LHPP: variants seen among roughly 807,000 people sequenced by gnomAD.
LHPP encodes phospholysine phosphohistidine inorganic pyrophosphate phosphatase, also known as hLHPP.
LHPP carries 24 observed loss-of-function variants against 30.3 expected under a neutral mutation model. That is an observed-to-expected ratio of 0.79 (90% confidence interval 0.57 to 1.11). The LOEUF (loss-of-function observed/expected upper bound fraction) is 1.11. LHPP is among the 50% of genes most tolerant of loss of function. The pLI, the probability that LHPP is intolerant of heterozygous loss-of-function variation, is 0.00. For missense variants in LHPP, 356 were observed against 367.2 expected, an observed-to-expected ratio of 0.97 and a Z score of 0.25; for synonymous variants, 150 against 157.1, an observed-to-expected ratio of 0.95 and a Z score of 0.34.
intron 5 of LHPP, among the ~76,000 whole-genome samples, chr10:124,515,221 C>T (rs1006040535): frequency 1.2e-4 from 19 of 152,228 alleles, no homozygotes; most frequent in African/African-American, 4.1e-4. Flanking sequence ...TCATTTTGGG[C>T]AGTTTCTATT....
intron 3 of LHPP, among the ~76,000 whole-genome samples, chr10:124,492,830 A>C (rs34178028): frequency 0.11 from 16,211 of 152,204 alleles, 1,004 homozygotes; most frequent in Non-Finnish European, 0.13. Flanking sequence ...CCAACACCTC[A>C]CTAGAGAACA....
At chr10:124,462,663 G>A (rs761929942) in intron 1 of LHPP, among the ~76,000 whole-genome samples, 8 of 152,212 alleles carry the variant, frequency 5.3e-5, no homozygotes, top group Non-Finnish European at 8.8e-5. Flanking sequence ...AATGGGTTAT[G>A]TTGTTTGCCT....
At chr10:124,564,270 C>T (rs540602532) in intron 6 of LHPP, among the ~76,000 whole-genome samples, 5 of 150,538 alleles carry the variant, frequency 3.3e-5, no homozygotes, top group Admixed American at 1.3e-4. Context: ...ACTACAGGCA[C>T]GCAGCACCAC....
chr10:124,481,328 G>T (rs1379986612), intron 1 of LHPP, among the ~76,000 whole-genome samples: 2 of 150,958 alleles, frequency 1.3e-5, no homozygotes, highest in African/African-American at 4.9e-5. Flanking sequence ...CTGTATTTGG[G>T]GCCCTCTCTC....
intron 6 of LHPP, among the ~76,000 whole-genome samples, chr10:124,571,133 G>A (rs997587060): frequency 1.3e-5 from 2 of 152,226 alleles, no homozygotes; most frequent in East Asian, 3.8e-4. Flanking sequence ...GGCCTCCCCA[G>A]TCACGTGGAA....
intron 6 of LHPP, among the ~76,000 whole-genome samples, chr10:124,606,762 C>T (rs187157362): frequency 2.0e-5 from 3 of 152,272 alleles, no homozygotes; most frequent in East Asian, 1.9e-4. Flanking sequence ...GTGACCCCCA[C>T]GGGGAGCCGT....
intron 6 of LHPP, among the ~76,000 whole-genome samples, chr10:124,597,131 C>G (rs950253572): frequency 6.6e-6 from 1 of 152,158 alleles, no homozygotes; most frequent in Non-Finnish European, 1.5e-5. Context: ...CTGGAGCTCT[C>G]GGGAGGTGTC....
chr10:124,591,783 T>C (rs1948884738), intron 6 of LHPP, among the ~76,000 whole-genome samples: 1 of 151,960 alleles, frequency 6.6e-6, no homozygotes, highest in South Asian at 2.1e-4. Context: ...TAGGAGTAAT[T>C]GTTCTAAGCT....
At chr10:124,568,706 T>A (rs1232537274) in intron 6 of LHPP, among the ~76,000 whole-genome samples, 1 of 152,208 alleles carries the variant, frequency 6.6e-6, no homozygotes, top group Non-Finnish European at 1.5e-5. Flanking sequence ...TCTAATGCTC[T>A]TCATCCTAGA....
chr10:124,506,272 C>G (rs889415303), intron 5 of LHPP, among the ~76,000 whole-genome samples: 9 of 128,620 alleles, frequency 7.0e-5, no homozygotes, highest in African/African-American at 5.8e-5. Context: ...AACCCCCCCC[C>G]CACCCCGCGG....
At chr10:124,522,420 G>A (rs1954632705) in intron 6 of LHPP, among the ~76,000 whole-genome samples, 1 of 152,308 alleles carries the variant, frequency 6.6e-6, no homozygotes, top group East Asian at 1.9e-4. Context: ...CCTGTGCCAT[G>A]GGTGGCAAAT....
intron 6 of LHPP, among the ~76,000 whole-genome samples, chr10:124,548,358 G>C (rs191941404): frequency 3.9e-5 from 6 of 152,180 alleles, no homozygotes; most frequent in African/African-American, 1.2e-4. Flanking sequence ...GGAACCCCCT[G>C]CCCAGAGCTC....
At chr10:124,568,677 C>G (rs1564835205) in intron 6 of LHPP, among the ~76,000 whole-genome samples, 1 of 152,196 alleles carries the variant, frequency 6.6e-6, no homozygotes, top group Non-Finnish European at 1.5e-5. Flanking sequence ...TGGGCGTGTG[C>G]TGGCACTGGG....
chr10:124,465,379 A>G (rs1952526547), intron 1 of LHPP, among the ~76,000 whole-genome samples: 1 of 152,218 alleles, frequency 6.6e-6, no homozygotes, highest in Non-Finnish European at 1.5e-5. Context: ...CTAGATAGGC[A>G]TATCATGTGG....
rs1300630303 is a variant in LHPP, at chr10:124,498,111, G to A, written c.607G>A (p.Gly203Arg). The stretch of plus-strand genomic sequence containing the variant: ...TTTCAAGTCTGCCCTGCAAGCGATA[G>A]GAGTGGAAGCCCACCAGGTAGGTTG... ...EFFKSALQAI[G>R]VEAHQAVMIG... is the part of the protein sequence containing the mutation. The change falls in exon 5 of 7, where the codon GGA (glycine) becomes AGA (arginine). Residue 203 changes from glycine (G) to arginine (R), a missense_variant. Physicochemically the swap from Gly to Arg is moderately radical, Grantham distance 125. Coordinates refer to ENST00000368842, the MANE Select transcript of LHPP (RefSeq NM_022126.4). The A allele has an allele frequency of 1.2e-6, 2 of 1,613,566 alleles. No homozygotes were observed. The highest frequency in any genetic ancestry group is 1.3e-5 in the African/African-American group (1 of 74,924).
At chr10:124,565,314 G>A (rs1244199889) in intron 6 of LHPP, among the ~76,000 whole-genome samples, 4 of 152,166 alleles carry the variant, frequency 2.6e-5, no homozygotes, top group Admixed American at 6.5e-5. Flanking sequence ...TCTTGCAGAA[G>A]GAAGAGCTGG....
intron 6 of LHPP, among the ~76,000 whole-genome samples, chr10:124,582,843 C>CA (rs973285101): frequency 3.1e-4 from 37 of 120,384 alleles, no homozygotes; most frequent in Middle Eastern, 4.2e-3. Flanking sequence ...TGTCTCTATT[C>CA]AAAAAAAAAA....
chr10:124,501,411 G>A (rs1027571793), intron 5 of LHPP, among the ~76,000 whole-genome samples: 14 of 151,724 alleles, frequency 9.2e-5, no homozygotes, highest in Admixed American at 5.9e-4. Flanking sequence ...AGATCAGCCT[G>A]GCCAACATGG....
Position 124,474,222 on chromosome 10 carries a change from C to G in LHPP, c.126-9917C>G, listed in dbSNP as rs142319116. On this transcript the variant is annotated intron_variant, in intron 1 of 6. Coordinates refer to ENST00000368842, the MANE Select transcript of LHPP (RefSeq NM_022126.4). ...TGGCACAATCTTGGCTCACTGCAGC[C>G]TCGACCTCCTGGGCTCAAGCGATCC... 9.6e-3 allele frequency among the ~76,000 whole-genome samples: 1,441 copies of G among 149,666 alleles called. 17 individuals carry two copies. The highest frequency in any genetic ancestry group is 0.032 in the African/African-American group (1,295 of 40,500).
Sources: allele counts gnomAD v4.1 joint callset (sites outside exome capture counted in the v4.1 genomes callset), GRCh38; gene constraint gnomAD v4.1.1; transcripts MANE v1.5; gene names NCBI Gene and HGNC (gene_info 2026-07-23, HGNC 2026-07-21).